The following ISM1 variants were observed in gnomAD, a reference collection of about 807,000 sequenced individuals.
ISM1 encodes the protein isthmin 1.
A neutral mutation model predicts 46.3 loss-of-function variants in ISM1; 25 were observed. That is an observed-to-expected ratio of 0.54 (90% CI 0.39 to 0.75). The LOEUF (loss-of-function observed/expected upper bound fraction) is 0.75. ISM1 is among the 30% of genes least tolerant of loss of function. ISM1 has a pLI of 0.00. For missense variants in ISM1, 536 were observed against 625.4 expected, an observed-to-expected ratio of 0.86 and a Z score of 1.52; for synonymous variants, 255 against 256.7, an observed-to-expected ratio of 0.99 and a Z score of 0.06.
the ISM1 span, among the ~76,000 whole-genome samples, chr20:13,323,149 G>A: frequency 1.3e-5 from 2 of 152,144 alleles, no homozygotes; most frequent in Non-Finnish European, 2.9e-5. Context: ...GAGGGCAAGA[G>A]AACAGAGCTA....
chr20:13,267,152 C>T lies in ISM1; in HGVS notation c.139-3352C>T, dbSNP rs76561844. 9.2e-3 allele frequency among the ~76,000 whole-genome samples: 1,403 copies of T among 152,300 alleles called. 7 individuals carry two copies. Among genetic ancestry groups the T allele is most frequent in the Non-Finnish European group, 0.015 (1,034 of 68,028 alleles). ...TATCCTAGGATTTCCAATTTCTTAA[C>T]AGCTTGGGGGCATGCCATTGCAAGG... On this transcript the variant is annotated intron_variant, in intron 1 of 5. Coordinates refer to ENST00000262487, the MANE Select transcript of ISM1 (RefSeq NM_080826.2).
chr20:13,258,008 G>A (rs1401528142), intron 1 of ISM1, among the ~76,000 whole-genome samples: 1 of 152,058 alleles, frequency 6.6e-6, no homozygotes, highest in Non-Finnish European at 1.5e-5. Context: ...CCTTATCTGT[G>A]GAAGAGGGGC....
At chr20:13,247,603 G>T (rs2039814521) in intron 1 of ISM1, among the ~76,000 whole-genome samples, 1 of 151,642 alleles carries the variant, frequency 6.6e-6, no homozygotes, top group Non-Finnish European at 1.5e-5. Context: ...TTTAGCATGA[G>T]GGATGATTAT....
chr20:13,303,049 A>G (rs1396002603), downstream of ISM1, among the ~76,000 whole-genome samples: 1 of 152,192 alleles, frequency 6.6e-6, no homozygotes, highest in African/African-American at 2.4e-5. Flanking sequence ...TGTGTTAATC[A>G]TTTTACCACA....
At chr20:13,295,003 T>G (rs910510411) in intron 5 of ISM1, among the ~76,000 whole-genome samples, 1 of 152,098 alleles carries the variant, frequency 6.6e-6, no homozygotes, top group Non-Finnish European at 1.5e-5. Context: ...ACATGCCCAA[T>G]TTTTCTCTTC....
chr20:13,233,557 T>A (rs1203446932), intron 1 of ISM1, among the ~76,000 whole-genome samples: 2 of 147,870 alleles, frequency 1.4e-5, no homozygotes, highest in Non-Finnish European at 3.0e-5. Context: ...ACTGTGCTAT[T>A]GCATTCCTGC....
At chr20:13,316,959 A>G in the ISM1 span, among the ~76,000 whole-genome samples, 6 of 151,938 alleles carry the variant, frequency 3.9e-5, no homozygotes, top group South Asian at 2.1e-4. Flanking sequence ...AAAAAGAAAT[A>G]AAAGCCATAT....
In ISM1 at chr20:13,270,660, T is replaced by C; in HGVS notation, c.295T>C (p.Phe99Leu). ...ETGHPSLQRD[F>L]PRSFLLDLPN... ...GGGGCACCCTTCATTGCAAAGAGATTTCCCCAGATCCTTTCTCCTTGATCT... is the reference window on the plus strand; with the variant it reads ...GGGGCACCCTTCATTGCAAAGAGATCTCCCCAGATCCTTTCTCCTTGATCT... Residue 99 changes from phenylalanine to leucine, a missense_variant, in exon 2 of 6, where the codon TTC (phenylalanine) becomes CTC (leucine). Phe to Leu is a conservative substitution (Grantham distance 22). Transcript: ENST00000262487. The C allele has an allele frequency of 6.2e-7, 1 of 1,613,904 alleles. No individual in the cohort carries two copies. The highest frequency in any genetic ancestry group is 1.1e-5 in the South Asian group (1 of 91,058).
intron 1 of ISM1, among the ~76,000 whole-genome samples, chr20:13,265,528 T>A (rs763615107): frequency 6.2e-4 from 95 of 152,158 alleles, no homozygotes; most frequent in Non-Finnish European, 8.4e-4. Context: ...GAGTACCCTG[T>A]TAATCATCGA....
At chr20:13,228,621 A>AT (rs1232598874) in intron 1 of ISM1, among the ~76,000 whole-genome samples, 1 of 151,902 alleles carries the variant, frequency 6.6e-6, no homozygotes, top group Non-Finnish European at 1.5e-5. Flanking sequence ...TTGTGTTTAG[A>AT]TTCAGGGCTT....
chr20:13,232,201 A>C (rs2039596934), intron 1 of ISM1, among the ~76,000 whole-genome samples: 1 of 152,222 alleles, frequency 6.6e-6, no homozygotes, highest in Admixed American at 6.5e-5. Flanking sequence ...AATAAACTGT[A>C]CATATTTAAA....
chr20:13,313,701 C>G, the ISM1 span, among the ~76,000 whole-genome samples: 1 of 152,124 alleles, frequency 6.6e-6, no homozygotes, highest in Non-Finnish European at 1.5e-5. Context: ...CTCCTTTTAC[C>G]AATATATCAT....
At chr20:13,285,739 C>T (rs970521172) in intron 3 of ISM1, among the ~76,000 whole-genome samples, 2 of 152,146 alleles carry the variant, frequency 1.3e-5, no homozygotes, top group African/African-American at 2.4e-5. Context: ...TTCACATAAT[C>T]GGACACAATA....
intron 5 of ISM1, among the ~76,000 whole-genome samples, chr20:13,295,734 A>C (rs2327771): frequency 6.6e-6 from 1 of 152,112 alleles, no homozygotes; most frequent in African/African-American, 2.4e-5. Flanking sequence ...AGGCTCAGCC[A>C]TGCTGACTGG....
At chr20:13,320,785 G>T in the ISM1 span, among the ~76,000 whole-genome samples, 1 of 152,132 alleles carries the variant, frequency 6.6e-6, no homozygotes. Flanking sequence ...ATTTCAGCTA[G>T]CAAAAAAAGA....
chr20:13,311,471 A>G, the ISM1 span, among the ~76,000 whole-genome samples: 2 of 152,218 alleles, frequency 1.3e-5, no homozygotes, highest in South Asian at 2.1e-4. Flanking sequence ...TATGTGAAAG[A>G]GATATCTGCA....
intron 1 of ISM1, among the ~76,000 whole-genome samples, chr20:13,233,978 C>A (rs1222735370): frequency 6.6e-6 from 1 of 152,140 alleles, no homozygotes; most frequent in East Asian, 1.9e-4. Flanking sequence ...AAAATGTTTA[C>A]TTATATATAT....
intron 3 of ISM1, among the ~76,000 whole-genome samples, chr20:13,281,193 G>GCATAGTCTGTCCCCAGAACAGATCTCAC (rs2040235098): frequency 6.6e-6 from 1 of 152,174 alleles, no homozygotes; most frequent in Non-Finnish European, 1.5e-5. Flanking sequence ...AATGAGCAAG[G>GCATAGTCTGTCCCCAGAACAGATCTCAC]CATAGTCTGT....
intron 1 of ISM1, among the ~76,000 whole-genome samples, chr20:13,233,260 T>C (rs1356714318): frequency 1.3e-5 from 2 of 152,098 alleles, no homozygotes; most frequent in Non-Finnish European, 2.9e-5. Flanking sequence ...AGTTTATTGC[T>C]GGGAATCTTC....
Sources: gnomAD v4.1 joint callset for allele counts (sites outside exome capture counted in the v4.1 genomes callset) on GRCh38, gnomAD v4.1.1 for gene constraint, MANE v1.5 for transcripts, NCBI Gene and HGNC (gene_info 2026-07-23, HGNC 2026-07-21) for gene names.